The following STRN variants were observed in gnomAD, a reference collection of about 807,000 sequenced individuals.
The protein encoded by STRN is protein phosphatase 2 regulatory subunit B'''alpha.
Under a neutral mutation model 96.3 loss-of-function variants are expected in STRN, and 53 were observed. The observed-to-expected ratio is 0.55, with a 90% CI of 0.44 to 0.69. STRN has a LOEUF of 0.69. STRN is among the 30% of genes least tolerant of loss of function. The probability of loss-of-function intolerance (pLI) is 0.00; values close to 1 mark genes in which losing one functional copy is unlikely to be tolerated. For synonymous variants in STRN, 428 were observed against 355.9 expected (o/e 1.20, Z -2.28); for missense variants, 987 against 963.9 (o/e 1.02, Z -0.32).
At chr2:36,957,207 A>C (rs1222489341) in intron 1 of STRN, among the ~76,000 whole-genome samples, 1 of 152,238 alleles carries the variant, frequency 6.6e-6, no homozygotes, top group African/African-American at 2.4e-5. Flanking sequence ...GCAAAGACAA[A>C]ACAGAAGTAT....
rs1217668965 is a variant in STRN, at chr2:36,839,330, T to C, written c.*10126A>G. Among the ~76,000 whole-genome samples, 4 of 152,192 alleles carry C rather than the reference T, an allele frequency of 2.6e-5. No homozygotes were observed. Among genetic ancestry groups the C allele is most frequent in the African/African-American group, 9.7e-5 (4 of 41,442 alleles). On this transcript the variant is annotated 3_prime_UTR_variant, in exon 18 of 18. Transcript: ENST00000263918. ...TGCTGCATCAGGTGAAGTTTTTGTTTACTGCTGACTGCCAGCAACTAGAAC... is the reference window on the plus strand; with the variant it reads ...TGCTGCATCAGGTGAAGTTTTTGTTCACTGCTGACTGCCAGCAACTAGAAC...
intron 1 of STRN, among the ~76,000 whole-genome samples, chr2:36,959,243 TGCC>T (rs1664970420): frequency 6.6e-6 from 1 of 152,212 alleles, no homozygotes; most frequent in East Asian, 1.9e-4. Context: ...AAAATCTTTA[TGCC>T]TGTTATCTAA....
intron 5 of STRN, among the ~76,000 whole-genome samples, chr2:36,900,922 T>G (rs949854384): frequency 1.4e-4 from 21 of 150,840 alleles, no homozygotes; most frequent in Admixed American, 4.6e-4. Flanking sequence ...ATAAATAAAT[T>G]TAGTAAAGAT....
intron 15 of STRN, 37 bp downstream of exon 15, chr2:36,855,175 A>G: frequency 6.2e-7 from 1 of 1,600,652 alleles, no homozygotes; most frequent in Non-Finnish European, 8.5e-7. Context: ...TTAAGTTAAA[A>G]AAATAAACAC....
rs182660226 is a variant in STRN at position 36,890,003 on chromosome 2, C to T, written c.932-3177G>A. Among the ~76,000 whole-genome samples the T allele has an allele frequency of 1.8e-3, 268 of 152,318 alleles. 1 individual carries two copies. The highest frequency in any genetic ancestry group is 3.4e-3 in the Middle Eastern group (1 of 294). On this transcript the variant is annotated intron_variant, in intron 7 of 17. Coordinates refer to ENST00000263918, the MANE Select transcript of STRN (RefSeq NM_003162.4). ...AAAGGAAGTTACACAAGGAACAGTGCAGCTGTCCTCGGAGAAAAACCAATC... is the reference window on the plus strand; with the variant it reads ...AAAGGAAGTTACACAAGGAACAGTGTAGCTGTCCTCGGAGAAAAACCAATC...
chr2:36,949,125 CTT>C (rs1440554170), intron 1 of STRN, among the ~76,000 whole-genome samples: 2 of 152,178 alleles, frequency 1.3e-5, no homozygotes, highest in African/African-American at 4.8e-5. Flanking sequence ...AAATATTCGT[CTT>C]GTGTTACATC....
intron 1 of STRN, among the ~76,000 whole-genome samples, chr2:36,936,822 T>G (rs976037307): frequency 6.6e-6 from 1 of 152,216 alleles, no homozygotes; most frequent in African/African-American, 2.4e-5. Flanking sequence ...TTCTATTTGT[T>G]GTTACATCAA....
chr2:36,905,428 G>C (rs1669795517), intron 4 of STRN, 112 bp downstream of exon 4: 2 of 907,060 alleles, frequency 2.2e-6, no homozygotes, highest in Admixed American at 2.3e-5. Flanking sequence ...CTTTTTCACA[G>C]CATCTGTATG....
chr2:36,966,229 C>T lies in STRN; in HGVS notation c.234+1G>A. ...GACGGCCAGGCCGGGAGGGTCTTTACCTGCAGCTCCGCCCGCTCCACCTCC... is the reference window on the plus strand; with the variant it reads ...GACGGCCAGGCCGGGAGGGTCTTTATCTGCAGCTCCGCCCGCTCCACCTCC... On this transcript the variant is annotated splice_donor_variant, in intron 1 of 17. Coordinates refer to ENST00000263918, the MANE Select transcript of STRN (RefSeq NM_003162.4). LOFTEE classifies it high-confidence loss of function. 6.4e-7 allele frequency: 1 copy of T among 1,562,534 alleles called. No individual in the cohort carries two copies. Among genetic ancestry groups the T allele is most frequent in the Non-Finnish European group, 8.6e-7 (1 of 1,156,526 alleles).
rs567679926 is a variant in STRN, at chr2:36,862,554, A to G, written c.1548-1301T>C. ...TGGCCACATGTATGTCTTCTTCTGG[A>G]AACTATCTGTTCATGTTCTTTGCCC... On this transcript the variant is annotated intron_variant, in intron 12 of 17. Coordinates refer to ENST00000263918, the MANE Select transcript of STRN (RefSeq NM_003162.4). Among the ~76,000 whole-genome samples, 6 of 152,140 alleles carry G rather than the reference A, an allele frequency of 3.9e-5. No homozygotes were observed. The South Asian group carries it at 1.2e-3, about 32-fold the overall frequency.
At chr2:36,871,893 G>T (rs1428899779) in intron 10 of STRN, among the ~76,000 whole-genome samples, 1 of 152,176 alleles carries the variant, frequency 6.6e-6, no homozygotes, top group South Asian at 2.1e-4. Context: ...GAAAAAAAAT[G>T]GATAGAACAT....
intron 1 of STRN, among the ~76,000 whole-genome samples, chr2:36,955,954 A>C (rs965133989): frequency 6.6e-6 from 1 of 152,228 alleles, no homozygotes; most frequent in African/African-American, 2.4e-5. Flanking sequence ...ATACTAAATA[A>C]ACTCTGTTGA....
At chr2:36,878,650 C>T (rs533131092) in intron 9 of STRN, among the ~76,000 whole-genome samples, 1 of 152,128 alleles carries the variant, frequency 6.6e-6, no homozygotes, top group Non-Finnish European at 1.5e-5. Context: ...GGTAATAATT[C>T]TATCTTGATG....
At chr2:36,904,809 CAG>C (rs760872314) in intron 4 of STRN, among the ~76,000 whole-genome samples, 16 of 152,070 alleles carry the variant, frequency 1.1e-4, no homozygotes, top group Admixed American at 7.2e-4. Flanking sequence ...GCCTGAGCGA[CAG>C]AGTGAGACTC....
intron 3 of STRN, among the ~76,000 whole-genome samples, chr2:36,905,909 C>T (rs1669807042): frequency 6.6e-6 from 1 of 152,086 alleles, no homozygotes; most frequent in Non-Finnish European, 1.5e-5. Flanking sequence ...AGACTTATCC[C>T]ATCAAGTCAC....
At chr2:36,900,788 G>C (rs1029145081) in intron 5 of STRN, among the ~76,000 whole-genome samples, 1 of 152,082 alleles carries the variant, frequency 6.6e-6, no homozygotes, top group Non-Finnish European at 1.5e-5. Context: ...GGCTACTCGG[G>C]AGGCTTAGGC....
intron 1 of STRN, among the ~76,000 whole-genome samples, chr2:36,961,401 A>T (rs1424468023): frequency 6.6e-6 from 1 of 152,018 alleles, no homozygotes; most frequent in East Asian, 1.9e-4. Context: ...TTACAGGATT[A>T]CAGGTTTTGA....
At chr2:36,958,896 G>A (rs1664961059) in intron 1 of STRN, among the ~76,000 whole-genome samples, 2 of 152,130 alleles carry the variant, frequency 1.3e-5, no homozygotes, top group Admixed American at 6.5e-5. Context: ...GAGGCGGGCG[G>A]ATCACGAGGT....
intron 12 of STRN, among the ~76,000 whole-genome samples, chr2:36,864,242 G>T (rs1292394777): frequency 6.6e-6 from 1 of 152,172 alleles, no homozygotes; most frequent in Non-Finnish European, 1.5e-5. Context: ...GTTCTCAAGA[G>T]AAATGCTTCC....
Sources: allele counts gnomAD v4.1 joint callset (sites outside exome capture counted in the v4.1 genomes callset), GRCh38; gene constraint gnomAD v4.1.1; transcripts MANE v1.5; gene names NCBI Gene and HGNC (gene_info 2026-07-23, HGNC 2026-07-21).